MOB4: variants seen among roughly 807,000 people sequenced by gnomAD.
MOB4 encodes the protein MOB-like protein phocein.
Under a neutral mutation model 32.2 loss-of-function variants are expected in MOB4, and 4 were observed. That is an observed-to-expected ratio of 0.12 (90% CI 0.06 to 0.28). The LOEUF (loss-of-function observed/expected upper bound fraction) is 0.28. Among genes scored for constraint, MOB4 ranks in the 10% least tolerant of loss-of-function variants. The pLI is 1.00. For missense variants in MOB4, 158 were observed against 271.2 expected (o/e 0.58, Z 2.93); for synonymous variants, 88 against 88.1 (o/e 1.00, Z 0.01).
At chr2:197,521,907 T>G (rs1453643176) in intron 1 of MOB4, among the ~76,000 whole-genome samples, 1 of 152,214 alleles carries the variant, frequency 6.6e-6, no homozygotes, top group Non-Finnish European at 1.5e-5. Context: ...CACAGGGTCC[T>G]GAGGTGACAT....
upstream of MOB4, chr2:197,515,975 C>G: frequency 1.8e-6 from 2 of 1,131,392 alleles, no homozygotes; most frequent in South Asian, 2.8e-5. Context: ...GCAGCTGTTC[C>G]GTCAGCTGCC....
At chr2:197,544,071 A>G (rs938734283) in intron 5 of MOB4, among the ~76,000 whole-genome samples, 2 of 150,374 alleles carry the variant, frequency 1.3e-5, no homozygotes, top group Non-Finnish European at 3.0e-5. Context: ...TTAAGAGACA[A>G]GAGTTTCGCT....
At chr2:197,527,071 T>C (rs992123885) in intron 2 of MOB4, among the ~76,000 whole-genome samples, 2 of 152,170 alleles carry the variant, frequency 1.3e-5, no homozygotes, top group African/African-American at 4.8e-5. Flanking sequence ...GCCACCATGC[T>C]CTGACCAAAT....
At chr2:197,547,540 T>TTAGTGC in intron 5 of MOB4, among the ~76,000 whole-genome samples, 1 of 152,366 alleles carries the variant, frequency 6.6e-6, no homozygotes, top group East Asian at 1.9e-4. Context: ...AGGTAATTTT[T>TTAGTGC]TAGTGCCACG....
At chr2:197,544,122 G>A (rs1008245229) in intron 5 of MOB4, among the ~76,000 whole-genome samples, 75 of 152,114 alleles carry the variant, frequency 4.9e-4, no homozygotes, top group African/African-American at 1.7e-3. Flanking sequence ...GCCCAGGCTG[G>A]AGTGCAGTGG....
rs1378485221 is a variant in MOB4 at position 197,548,202 on chromosome 2, C to T, written c.355-134C>T. 4 of 508,964 alleles carry T rather than the reference C, an allele frequency of 7.9e-6. No homozygotes were observed. In the Admixed American group the frequency reaches 1.6e-4, roughly 20 times the overall value. The allele number at this position is 508,964 out of a possible 1,614,324, so 31.5% of individuals were successfully genotyped here. ...TTAATATAACATTATATTTTACAAG[C>T]ATTCGGAAATTGTAAGGAACTTTTT... On this transcript the variant is annotated intron_variant, in intron 5 of 7. Coordinates refer to ENST00000323303, the MANE Select transcript of MOB4 (RefSeq NM_015387.5).
At chr2:197,518,851 G>C (rs772243453) in intron 1 of MOB4, among the ~76,000 whole-genome samples, 16 of 152,076 alleles carry the variant, frequency 1.1e-4, no homozygotes, top group Non-Finnish European at 1.9e-4. Context: ...CACGTCCCGG[G>C]TTCACGCTGT....
intron 2 of MOB4, among the ~76,000 whole-genome samples, chr2:197,535,324 A>G (rs1217882163): frequency 6.6e-6 from 1 of 152,164 alleles, no homozygotes; most frequent in African/African-American, 2.4e-5. Flanking sequence ...TTCTATCCAA[A>G]TGAAGTTGAA....
At chr2:197,526,816 A>G (rs1277088992) in intron 2 of MOB4, among the ~76,000 whole-genome samples, 2 of 152,130 alleles carry the variant, frequency 1.3e-5, no homozygotes, top group East Asian at 3.9e-4. Flanking sequence ...CATGTATGTG[A>G]CACGTTATTT....
chr2:197,536,799 T>C lies in MOB4; in HGVS notation c.224+1169T>C, dbSNP rs1000373025. On this transcript the variant is annotated intron_variant, in intron 3 of 7. Coordinates refer to ENST00000323303, the MANE Select transcript of MOB4 (RefSeq NM_015387.5). ...TTTTAGTAGAGATGGGGTTTCACTA[T>C]GTTGGCCAGGCTGGTCTCGAACTCC... Among the ~76,000 whole-genome samples, 28 of 151,934 alleles carry C rather than the reference T, an allele frequency of 1.8e-4. 1 individual carries two copies. The highest frequency in any genetic ancestry group is 6.3e-4 in the African/African-American group (26 of 41,394).
At chr2:197,523,779 C>T (rs971990431) in intron 2 of MOB4, 93 bp downstream of exon 2, 6 of 1,193,422 alleles carry the variant, frequency 5.0e-6, no homozygotes, top group Non-Finnish European at 6.9e-6. Context: ...CACTGTGCAG[C>T]AGTCTGCTTC....
At chr2:197,516,340 G>C in intron 1 of MOB4, 194 bp downstream of exon 1, 1 of 1,427,128 alleles carries the variant, frequency 7.0e-7, no homozygotes, top group Non-Finnish European at 9.2e-7. Flanking sequence ...GAGGCCTGCG[G>C]AGCTCCGACC....
intron 2 of MOB4, among the ~76,000 whole-genome samples, chr2:197,527,214 G>A (rs767232011): frequency 6.6e-6 from 1 of 151,838 alleles, no homozygotes; most frequent in Non-Finnish European, 1.5e-5. Flanking sequence ...AGATTGCCTC[G>A]TATCTCTAGA....
intron 5 of MOB4, among the ~76,000 whole-genome samples, chr2:197,548,044 A>C (rs2087029336): frequency 6.6e-6 from 1 of 152,204 alleles, no homozygotes; most frequent in Non-Finnish European, 1.5e-5. Flanking sequence ...GAGATACCAG[A>C]GATAAATCAG....
chr2:197,516,544 A>G (rs2086415804), intron 1 of MOB4: 2 of 540,720 alleles, frequency 3.7e-6, no homozygotes, highest in Non-Finnish European at 6.9e-6. Flanking sequence ...CTGAGGTGGG[A>G]GGGGGTGTAA....
chr2:197,532,136 T>C lies in MOB4; in HGVS notation c.124-3394T>C, dbSNP rs375014201. Among the ~76,000 whole-genome samples, 13 of 152,112 alleles carry C rather than the reference T, an allele frequency of 8.5e-5. No homozygotes were observed. The East Asian group carries it at 1.5e-3, about 18-fold the overall frequency. ...GTTGGCCAGGCTGGTCTTGAACTCT[T>C]GACCTCAGGTGATCTGCCCGCCTCT... is the stretch of plus-strand genomic sequence containing the variant. On this transcript the variant is annotated intron_variant, in intron 2 of 7. Coordinates refer to ENST00000323303, the MANE Select transcript of MOB4 (RefSeq NM_015387.5).
intron 2 of MOB4, among the ~76,000 whole-genome samples, chr2:197,534,875 A>C (rs2086770651): frequency 6.6e-6 from 1 of 151,934 alleles, no homozygotes; most frequent in South Asian, 2.1e-4. Flanking sequence ...CTGAAAGGAA[A>C]CCTCACCCTC....
chr2:197,533,879 TC>T, intron 2 of MOB4: 1 of 646,048 alleles, frequency 1.5e-6, no homozygotes, highest in Non-Finnish European at 2.9e-6. Context: ...ATCGTCCCAT[TC>T]CCCAGTGGAT....
At chr2:197,540,194 G>A (rs778192222) in intron 4 of MOB4, 41 bp downstream of exon 4, 5 of 1,587,232 alleles carry the variant, frequency 3.2e-6, no homozygotes, top group Middle Eastern at 3.5e-4. Context: ...TGAAAGTTCT[G>A]ATTTTTTTTT....
Sources: gnomAD v4.1 joint callset for allele counts (sites outside exome capture counted in the v4.1 genomes callset) on GRCh38, gnomAD v4.1.1 for gene constraint, MANE v1.5 for transcripts, NCBI Gene and HGNC (gene_info 2026-07-23, HGNC 2026-07-21) for gene names.